Variants in CEACAM19 observed in about 807,000 individuals in gnomAD.
CEACAM19 encodes CEA cell adhesion molecule 19.
Under a neutral mutation model 37.6 loss-of-function variants are expected in CEACAM19, and 37 were observed. The observed-to-expected ratio is 0.98, with a 90% CI of 0.76 to 1.29. The LOEUF is 1.29. CEACAM19 is among the 50% of genes most tolerant of loss of function. The probability of loss-of-function intolerance (pLI) is 0.00; values close to 1 mark genes in which losing one functional copy is unlikely to be tolerated. For synonymous variants in CEACAM19, 140 were observed against 149.8 expected, an observed-to-expected ratio of 0.93 and a Z score of 0.48; for missense variants, 340 against 375.6, an observed-to-expected ratio of 0.91 and a Z score of 0.78.
At chr19:44,668,199 T>TTA (rs768912756), upstream of CEACAM19, among the ~76,000 whole-genome samples, 113 of 81,914 alleles carry the variant, frequency 1.4e-3, 1 homozygote, top group Non-Finnish European at 2.1e-3. Flanking sequence ...ATTTTATATA[T>TTA]TATATATATA....
At position 44,681,882 on chromosome 19, in the gene CEACAM19, G is replaced by A. The variant is rs537822589; in HGVS notation, c.792+570G>A. ...GAGGTGGAGGTTGCAGTAAGCCGAG[G>A]TCATGCCACTGCACTCCAGCCTGCA... is the stretch of plus-strand genomic sequence containing the variant. On this transcript the variant is annotated intron_variant, in intron 6 of 7. Coordinates refer to ENST00000358777, the MANE Select transcript of CEACAM19 (RefSeq NM_001127893.3). 1.2e-3 allele frequency among the ~76,000 whole-genome samples: 189 copies of A among 151,492 alleles called. 1 individual carries two copies. The highest frequency in any genetic ancestry group is 6.8e-3 in the Middle Eastern group (2 of 292).
Position 44,679,055 on chromosome 19 carries a change from C to CG in CEACAM19, c.659+120dup, listed in dbSNP as rs1974006570. The CG allele has an allele frequency of 6.9e-6, 10 of 1,440,394 alleles. No homozygotes were observed. In the East Asian group the frequency reaches 2.5e-4, roughly 36 times the overall value. 89.2% of individuals were successfully genotyped at this position (1,440,394 alleles called of 1,614,324 possible). On this transcript the variant is annotated intron_variant, in intron 4 of 7. Coordinates refer to ENST00000358777, the MANE Select transcript of CEACAM19 (RefSeq NM_001127893.3). ...TTGCCAAGGTTGGGGTGCAGTGGTG[C>CG]GATCGTAGCTCACCGTAGCCTCGAC...
intron 6 of CEACAM19, 133 bp from the exon 7 acceptor site, chr19:44,682,434 C>T: frequency 1.2e-6 from 1 of 864,338 alleles, no homozygotes; most frequent in Non-Finnish European, 1.9e-6. Flanking sequence ...AAGCTAATCC[C>T]CTCTGCCCAG....
At position 44,681,275 on chromosome 19, in the gene CEACAM19, C is replaced by T; in HGVS notation, c.755C>T (p.Ser252Phe). ...EVMPSPVLLV[S>F]PISDTRSINP... is the part of the protein sequence containing the mutation. ...ATGCCCTCTCCAGTCCTCCTGGTGTCCCCCATCAGTGACACAAGGTCCATA... is the reference window on the plus strand; with the variant it reads ...ATGCCCTCTCCAGTCCTCCTGGTGTTCCCCATCAGTGACACAAGGTCCATA... Residue 252 changes from serine (S) to phenylalanine (F), a missense_variant, in exon 6 of 8, where the codon TCC (serine) becomes TTC (phenylalanine). Coordinates refer to ENST00000358777, the MANE Select transcript of CEACAM19 (RefSeq NM_001127893.3). The T allele has an allele frequency of 6.2e-7, 1 of 1,613,978 alleles. No individual in the cohort carries two copies. The highest frequency in any genetic ancestry group is 1.1e-5 in the South Asian group (1 of 91,042).
chr19:44,670,888 G>T (rs888452240), upstream of CEACAM19, among the ~76,000 whole-genome samples: 1 of 151,178 alleles, frequency 6.6e-6, no homozygotes, highest in Non-Finnish European at 1.5e-5. Flanking sequence ...CTGAGGTCAG[G>T]AGTTCAAGAC....
upstream of CEACAM19, among the ~76,000 whole-genome samples, chr19:44,666,669 G>A (rs1272613806): frequency 6.6e-6 from 1 of 152,048 alleles, no homozygotes; most frequent in Non-Finnish European, 1.5e-5. Context: ...GAATCTGTCA[G>A]GTGGATTCTG....
chr19:44,666,088 C>T (rs1973709791), intron 1 of CEACAM19: 1 of 152,170 alleles, frequency 6.6e-6, no homozygotes, highest in South Asian at 2.1e-4. Flanking sequence ...GTGGTTGGAA[C>T]ATGTTTGAAT....
In CEACAM19 at chr19:44,683,511, C is replaced by A; in HGVS notation, c.*21C>A. The A allele has an allele frequency of 6.6e-7, 1 of 1,504,988 alleles. No homozygotes were observed. The highest frequency in any genetic ancestry group is 1.3e-5 in the South Asian group (1 of 78,580). The allele number at this position is 1,504,988 out of a possible 1,614,324, so 93.2% of individuals were successfully genotyped here. ...CCTGATGGGTCCTGGGCCAGGCCAGCCAGGGAGAAGACAAGGCCCCAGCCC... is the reference window on the plus strand; with the variant it reads ...CCTGATGGGTCCTGGGCCAGGCCAGACAGGGAGAAGACAAGGCCCCAGCCC... On this transcript the variant is annotated 3_prime_UTR_variant, in exon 8 of 8. Transcript: ENST00000358777.
chr19:44,668,238 TATA>T (rs1192349445), upstream of CEACAM19, among the ~76,000 whole-genome samples: 11 of 86,796 alleles, frequency 1.3e-4, no homozygotes, highest in South Asian at 1.1e-3. Flanking sequence ...ATTATATTTA[TATA>T]ATATGTTTAT....
intron 3 of CEACAM19, chr19:44,677,560 A>C (rs1176278505): frequency 6.6e-6 from 1 of 152,170 alleles, no homozygotes; most frequent in Non-Finnish European, 1.5e-5. Context: ...TGTCTCTTGA[A>C]ATTGATTCTG....
upstream of CEACAM19, among the ~76,000 whole-genome samples, chr19:44,668,056 ATAAATATATAATATATAAATATAT>A (rs1973769230): frequency 1.2e-5 from 1 of 86,768 alleles, no homozygotes; most frequent in South Asian, 3.7e-4. Flanking sequence ...TTATGTATAT[ATAAATATATAATATATAAATATAT>A]TTATATATTA....
intron 7 of CEACAM19, 165 bp downstream of exon 7, chr19:44,682,785 A>C: frequency 1.6e-6 from 1 of 612,458 alleles, no homozygotes; most frequent in Non-Finnish European, 2.8e-6. Context: ...CGCCTCCCTG[A>C]GAGACCCTGG....
chr19:44,666,682 G>A (rs905269099), upstream of CEACAM19, among the ~76,000 whole-genome samples: 10 of 151,922 alleles, frequency 6.6e-5, no homozygotes, highest in African/African-American at 2.4e-4. Context: ...GGATTCTGAG[G>A]GTACTCTGAC....
chr19:44,675,986 G>A (rs1308545097), intron 2 of CEACAM19, among the ~76,000 whole-genome samples: 3 of 151,836 alleles, frequency 2.0e-5, no homozygotes, highest in Non-Finnish European at 4.4e-5. Flanking sequence ...GCCCAGGCTG[G>A]TCTTGAACTC....
chr19:44,680,461 T>C, intron 5 of CEACAM19, 127 bp downstream of exon 5: 1 of 861,138 alleles, frequency 1.2e-6, no homozygotes, highest in Non-Finnish European at 1.8e-6. Flanking sequence ...CCGAGACCTC[T>C]CTGGGGCCCC....
rs771349080 is a variant in CEACAM19 at position 44,672,970 on chromosome 19, T to TA, written c.424+6_424+7insA. The TA allele has an allele frequency of 2.7e-6, 4 of 1,477,944 alleles. No homozygotes were observed. In the Admixed American group the frequency reaches 7.3e-5, roughly 27 times the overall value. The allele number at this position is 1,477,944 out of a possible 1,614,324, so 91.6% of individuals were successfully genotyped here. Reference sequence around the variant, plus strand: ...GACTGAGGTCCAGGTAGCTGGTAAGTGTTAGGGTCTGGGGATGAGGTGAGG... The same window carrying TA: ...GACTGAGGTCCAGGTAGCTGGTAAGTAGTTAGGGTCTGGGGATGAGGTGAGG... On this transcript the variant is annotated splice_region_variant and intron_variant, in intron 2 of 7. Transcript: ENST00000358777.
chr19:44,668,700 T>TTATAA (rs1555767434), upstream of CEACAM19, among the ~76,000 whole-genome samples: 8 of 81,786 alleles, frequency 9.8e-5, 1 homozygote, highest in African/African-American at 6.1e-4. Flanking sequence ...ATATTATATA[T>TTATAA]TATATTATAT....
At chr19:44,675,514 C>T (rs1468395097) in intron 2 of CEACAM19, among the ~76,000 whole-genome samples, 1 of 152,006 alleles carries the variant, frequency 6.6e-6, no homozygotes, top group African/African-American at 2.4e-5. Flanking sequence ...GGTCTGGGCT[C>T]GGTGGCCACG....
Position 44,672,914 on chromosome 19 carries a change from C to T in CEACAM19, c.374C>T (p.Thr125Ile), listed in dbSNP as rs1973883170. 6.5e-7 allele frequency: 1 copy of T among 1,548,776 alleles called. No individual in the cohort carries two copies. Among genetic ancestry groups the T allele is most frequent in the South Asian group, 1.2e-5 (1 of 81,358 alleles). ...TDSGTYQVAI[T>I]INSEWTMKAK... ...AGTGGCACCTACCAAGTAGCCATTA[C>T]CATCAACTCTGAATGGACTATGAAG... Residue 125 changes from threonine (T) to isoleucine (I), a missense_variant, in exon 2 of 8, where the codon ACC becomes ATC. Transcript: ENST00000358777.
Sources: allele counts gnomAD v4.1 joint callset (sites outside exome capture counted in the v4.1 genomes callset), GRCh38; gene constraint gnomAD v4.1.1; transcripts MANE v1.5; gene names NCBI Gene and HGNC (gene_info 2026-07-23, HGNC 2026-07-21).